MTUS2: variants seen among roughly 807,000 people sequenced by gnomAD.
MTUS2 encodes the protein microtubule-associated tumor suppressor candidate 2.
In MTUS2, 40 loss-of-function variants were observed where a neutral mutation model predicts 114.1. The observed-to-expected ratio is 0.35, with a 90% CI of 0.27 to 0.46. The LOEUF (loss-of-function observed/expected upper bound fraction) is 0.46. Ranked by LOEUF, MTUS2 falls within the 20% of genes least tolerant of loss-of-function variation. MTUS2 has a pLI of 1.00. For missense variants in MTUS2, 1,679 were observed against 1,705.4 expected (o/e 0.98, Z 0.27); for synonymous variants, 688 against 672.0 (o/e 1.02, Z -0.37).
chr13:29,462,278 C>T (rs183592033), intron 9 of MTUS2, among the ~76,000 whole-genome samples: 160 of 152,146 alleles, frequency 1.1e-3, no homozygotes, highest in African/African-American at 3.6e-3. Context: ...AGGAGAGGAC[C>T]GAGAAATGAA....
chr13:28,957,126 G>T (rs145126422), intron 2 of MTUS2, among the ~76,000 whole-genome samples: 2 of 152,314 alleles, frequency 1.3e-5, no homozygotes, highest in South Asian at 2.1e-4. Context: ...AGCTCTGGAC[G>T]TGGAGATAAT....
intron 5 of MTUS2, among the ~76,000 whole-genome samples, chr13:29,137,802 A>G (rs188802335): frequency 1.7e-4 from 22 of 132,496 alleles, no homozygotes; most frequent in African/African-American, 6.2e-4. Context: ...TTTTTTTTGT[A>G]TCTTTAGTAG....
At chr13:29,333,996 AC>A (rs1351187001) in intron 7 of MTUS2, among the ~76,000 whole-genome samples, 1 of 152,126 alleles carries the variant, frequency 6.6e-6, no homozygotes. Flanking sequence ...TTTATCAGAG[AC>A]TAGGATTGCA....
At chr13:29,384,564 A>G (rs1298309428) in intron 8 of MTUS2, among the ~76,000 whole-genome samples, 1 of 152,192 alleles carries the variant, frequency 6.6e-6, no homozygotes, top group Non-Finnish European at 1.5e-5. Context: ...CTCAAGAGCT[A>G]AAGGATTAAG....
chr13:29,238,559 G>A (rs1388895959), intron 5 of MTUS2, among the ~76,000 whole-genome samples: 3 of 152,336 alleles, frequency 2.0e-5, no homozygotes, highest in South Asian at 2.1e-4. Context: ...GAAGCATACA[G>A]CATAGGAGAA....
intron 9 of MTUS2, among the ~76,000 whole-genome samples, chr13:29,467,218 A>T (rs1016078042): frequency 6.6e-6 from 1 of 152,170 alleles, no homozygotes; most frequent in African/African-American, 2.4e-5. Context: ...CGCAAACTTA[A>T]AACTTTTGCC....
At chr13:29,407,489 T>TA (rs34825276) in intron 8 of MTUS2, among the ~76,000 whole-genome samples, 21,118 of 142,920 alleles carry the variant, frequency 0.15, 1,678 homozygotes, top group Middle Eastern at 0.21. Flanking sequence ...TTTATTTATT[T>TA]ATTTTGAGAT....
intron 2 of MTUS2, among the ~76,000 whole-genome samples, chr13:28,880,217 T>C (rs1158965192): frequency 1.3e-5 from 2 of 152,210 alleles, no homozygotes; most frequent in Non-Finnish European, 2.9e-5. Context: ...AAGCATTTAC[T>C]GTTGGTGAAG....
At chr13:28,955,807 C>G (rs1883033600) in intron 2 of MTUS2, among the ~76,000 whole-genome samples, 1 of 151,878 alleles carries the variant, frequency 6.6e-6, no homozygotes, top group South Asian at 2.1e-4. Context: ...CAGTCCTGAT[C>G]TAAGAGGGGC....
intron 4 of MTUS2, among the ~76,000 whole-genome samples, chr13:29,092,230 CTGAT>C (rs1465889395): frequency 2.0e-5 from 3 of 152,238 alleles, no homozygotes; most frequent in African/African-American, 7.2e-5. Flanking sequence ...GTGCGTTCCT[CTGAT>C]TGATTCTAAC....
At chr13:29,441,785 A>G (rs1015624372) in intron 9 of MTUS2, among the ~76,000 whole-genome samples, 1 of 152,094 alleles carries the variant, frequency 6.6e-6, no homozygotes, top group Non-Finnish European at 1.5e-5. Context: ...ACATGTGTGC[A>G]CACACACATG....
chr13:29,386,487 G>A (rs1217145953), intron 8 of MTUS2, among the ~76,000 whole-genome samples: 1 of 152,170 alleles, frequency 6.6e-6, no homozygotes, highest in African/African-American at 2.4e-5. Flanking sequence ...CAGATAACAA[G>A]GGCAGGGGCG....
intron 1 of MTUS2, among the ~76,000 whole-genome samples, chr13:28,822,321 G>A (rs1011844040): frequency 5.3e-5 from 8 of 152,098 alleles, no homozygotes; most frequent in Non-Finnish European, 8.8e-5. Context: ...TAATTGACAC[G>A]GAACTAGACT....
chr13:29,194,825 G>T (rs866317737), intron 5 of MTUS2, among the ~76,000 whole-genome samples: 2,111 of 152,082 alleles, frequency 0.014, 41 homozygotes, highest in African/African-American at 0.048. Context: ...ATTCACAATA[G>T]CAAAGACTTG....
At position 29,346,463 on chromosome 13, in the gene MTUS2, G is replaced by A. The variant is rs558557555; in HGVS notation, c.2906-12799G>A. 1.5e-3 allele frequency among the ~76,000 whole-genome samples: 235 copies of A among 152,062 alleles called. 1 individual carries two copies. The highest frequency in any genetic ancestry group is 5.5e-3 in the African/African-American group (226 of 41,414). ...ATTATGGCTGCCTCTGCTGGGTCAC[G>A]CAGGTTGCCAGGGGACTGGGGGAAA... On this transcript the variant is annotated intron_variant, in intron 7 of 15. Transcript: ENST00000612955.
chr13:28,998,492 A>G (rs983423545), intron 2 of MTUS2, among the ~76,000 whole-genome samples: 61 of 152,174 alleles, frequency 4.0e-4, no homozygotes, highest in Non-Finnish European at 7.5e-4. Flanking sequence ...GTGTTTTCCA[A>G]CTTGGTTCCA....
At chr13:28,925,551 T>C (rs1278369290) in intron 2 of MTUS2, among the ~76,000 whole-genome samples, 1 of 152,198 alleles carries the variant, frequency 6.6e-6, no homozygotes, top group Non-Finnish European at 1.5e-5. Flanking sequence ...ATTGACTTGG[T>C]GGGGCTCACA....
intron 8 of MTUS2, among the ~76,000 whole-genome samples, chr13:29,378,392 G>A (rs1028254360): frequency 3.3e-5 from 5 of 152,154 alleles, no homozygotes; most frequent in South Asian, 4.2e-4. Flanking sequence ...TTTGTGCTCC[G>A]TGGGATGAGG....
Position 29,369,249 on chromosome 13 carries a change from C to T in MTUS2, c.3117+9776C>T, listed in dbSNP as rs547677027. ...AAACGGTTTATTTAGCAAAGTTCTG[C>T]CTCGTTTCAGCCCGTAGAGAAGCCC... is the stretch of plus-strand genomic sequence containing the variant. On this transcript the variant is annotated intron_variant, in intron 8 of 15. Coordinates refer to ENST00000612955, the MANE Select transcript of MTUS2 (RefSeq NM_001033602.4). 1.4e-4 allele frequency among the ~76,000 whole-genome samples: 22 copies of T among 152,302 alleles called. No homozygotes were observed. In the South Asian group the frequency reaches 4.6e-3, roughly 32 times the overall value.
Sources: allele counts gnomAD v4.1 joint callset (sites outside exome capture counted in the v4.1 genomes callset), GRCh38; gene constraint gnomAD v4.1.1; transcripts MANE v1.5; gene names NCBI Gene and HGNC (gene_info 2026-07-23, HGNC 2026-07-21).